The following ELF5 variants were observed in gnomAD, a reference collection of about 807,000 sequenced individuals.
ELF5 encodes the protein E74 like ETS transcription factor 5, also known as ETS-related transcription factor Elf-5.
In ELF5, 31 loss-of-function variants were observed where a neutral mutation model predicts 38.2. That is an observed-to-expected ratio of 0.81 (90% CI 0.61 to 1.10). The LOEUF (loss-of-function observed/expected upper bound fraction) is 1.10. Ranked by LOEUF, ELF5 falls within the 50% of genes least tolerant of loss-of-function variation. ELF5 has a pLI of 0.00. For synonymous variants in ELF5, 121 were observed against 112.5 expected (o/e 1.08, Z -0.48); for missense variants, 300 against 306.6 (o/e 0.98, Z 0.16).
At chr11:34,480,403 G>T in intron 6 of ELF5, 89 bp from the exon 7 acceptor site, 1 of 1,049,710 alleles carries the variant, frequency 9.5e-7, no homozygotes, top group Non-Finnish European at 1.5e-6. Context: ...ATTCCTCTCA[G>T]GTGACAAGGC....
chr11:34,506,818 A>T (rs947055960), intron 1 of ELF5, among the ~76,000 whole-genome samples: 19 of 152,202 alleles, frequency 1.2e-4, no homozygotes, highest in East Asian at 1.9e-4. Flanking sequence ...CTGGCCGAAA[A>T]AAATAAATAA....
intron 2 of ELF5, among the ~76,000 whole-genome samples, chr11:34,495,308 T>C (rs1467363642): frequency 6.6e-6 from 1 of 152,108 alleles, no homozygotes; most frequent in Non-Finnish European, 1.5e-5. Flanking sequence ...CCACAGCAAA[T>C]AGCAGTGGTG....
intron 4 of ELF5, among the ~76,000 whole-genome samples, chr11:34,484,477 TA>T (rs1857027132): frequency 9.2e-6 from 1 of 108,440 alleles, no homozygotes; most frequent in South Asian, 2.6e-4. Context: ...TGCTACACTA[TA>T]CTAACTATAC....
chr11:34,484,495 A>ATACTG (rs1414216878), intron 4 of ELF5, among the ~76,000 whole-genome samples: 1 of 148,890 alleles, frequency 6.7e-6, no homozygotes, highest in Non-Finnish European at 1.5e-5. Context: ...ATACTATACT[A>ATACTG]TACTATACTA....
In ELF5 at chr11:34,493,361, G is replaced by C. The variant is rs1363444250; in HGVS notation, c.355+118C>G. 3.1e-6 allele frequency: 3 copies of C among 954,090 alleles called. No individual in the cohort carries two copies. The Admixed American group carries it at 6.2e-5, about 20-fold the overall frequency. The allele number at this position is 954,090 out of a possible 1,614,324, so 59.1% of individuals were successfully genotyped here. On this transcript the variant is annotated intron_variant, in intron 3 of 6. Coordinates refer to ENST00000257832, the MANE Select transcript of ELF5 (RefSeq NM_001422.4). ...CCAGTTATTGAAGGTTTGGATTAACGAGAACTCCAGTTAGTAAAATTTTGC... is the reference window on the plus strand; with the variant it reads ...CCAGTTATTGAAGGTTTGGATTAACCAGAACTCCAGTTAGTAAAATTTTGC...
chr11:34,488,604 A>T (rs1313550449), intron 4 of ELF5, among the ~76,000 whole-genome samples: 1 of 152,236 alleles, frequency 6.6e-6, no homozygotes, highest in Non-Finnish European at 1.5e-5. Flanking sequence ...CAGCACATTG[A>T]ATCTAACTGT....
chr11:34,488,045 T>C (rs1414663097), intron 4 of ELF5, among the ~76,000 whole-genome samples: 1 of 152,132 alleles, frequency 6.6e-6, no homozygotes, highest in Non-Finnish European at 1.5e-5. Flanking sequence ...CATGCTTTAA[T>C]TCAACTATCT....
At chr11:34,506,844 G>T (rs1405894723) in intron 1 of ELF5, among the ~76,000 whole-genome samples, 1 of 152,176 alleles carries the variant, frequency 6.6e-6, no homozygotes, top group Non-Finnish European at 1.5e-5. Context: ...AATGAGGTAA[G>T]AATTACTGTG....
chr11:34,496,707 T>C (rs1850330257), intron 2 of ELF5, among the ~76,000 whole-genome samples: 2 of 152,186 alleles, frequency 1.3e-5, no homozygotes, highest in African/African-American at 4.8e-5. Context: ...CAGGAGTGCT[T>C]GGAGCCTGGC....
rs1010640925 is a variant in ELF5 at position 34,489,883 on chromosome 11, G to A, written c.406+126C>T. ...TCTTTCCACCACGCTTTTCCCCACT[G>A]CTTTCTCCAGGTCTGGGATTGTTTT... On this transcript the variant is annotated intron_variant, in intron 4 of 6. Coordinates refer to ENST00000257832, the MANE Select transcript of ELF5 (RefSeq NM_001422.4). The A allele has an allele frequency of 2.6e-6, 3 of 1,169,828 alleles. No individual in the cohort carries two copies. In the African/African-American group the frequency reaches 4.5e-5, roughly 18 times the overall value. 72.5% of individuals were successfully genotyped at this position (1,169,828 alleles called of 1,614,324 possible).
chr11:34,490,091 C>T, intron 3 of ELF5, 32 bp from the exon 4 acceptor site: 1 of 1,612,184 alleles, frequency 6.2e-7, no homozygotes, highest in Non-Finnish European at 8.5e-7. Flanking sequence ...AGAAACCATA[C>T]CATGCAATCC....
At chr11:34,511,453 C>A in intron 1 of ELF5, 2 of 1,555,778 alleles carry the variant, frequency 1.3e-6, no homozygotes, top group Admixed American at 3.4e-5. Flanking sequence ...TTCTAGCTGC[C>A]TAGTAAGTAG....
intron 2 of ELF5, among the ~76,000 whole-genome samples, chr11:34,504,241 C>T (rs1246088838): frequency 1.3e-5 from 2 of 152,198 alleles, no homozygotes; most frequent in African/African-American, 4.8e-5. Flanking sequence ...ACCTGTTAAC[C>T]AAAGTTCAAG....
chr11:34,504,529 C>T (rs913822645), intron 2 of ELF5, among the ~76,000 whole-genome samples: 1 of 152,182 alleles, frequency 6.6e-6, no homozygotes, highest in Non-Finnish European at 1.5e-5. Flanking sequence ...GAGGCAGGGG[C>T]TTCTGGTAGT....
At chr11:34,504,521 G>A (rs1194521351) in intron 2 of ELF5, among the ~76,000 whole-genome samples, 1 of 152,216 alleles carries the variant, frequency 6.6e-6, no homozygotes, top group Non-Finnish European at 1.5e-5. Flanking sequence ...TGGCCCCAGA[G>A]GCAGGGGCTT....
chr11:34,510,866 G>A (rs1476584294), intron 1 of ELF5, among the ~76,000 whole-genome samples: 1 of 152,224 alleles, frequency 6.6e-6, no homozygotes, highest in African/African-American at 2.4e-5. Context: ...GATCCACCTA[G>A]TGTCAGCGCC....
At chr11:34,512,507 T>A (rs1279578371) in intron 1 of ELF5, among the ~76,000 whole-genome samples, 2 of 152,124 alleles carry the variant, frequency 1.3e-5, no homozygotes, top group Non-Finnish European at 2.9e-5. Context: ...ATTCTTAAGC[T>A]TTTTTTCATA....
In ELF5 at chr11:34,493,583, ATGT is replaced by A. The variant is rs1850236579; in HGVS notation, c.248_250del (p.Asn83del). 6.2e-7 allele frequency: 1 copy of A among 1,614,076 alleles called. No individual in the cohort carries two copies. Among genetic ancestry groups the A allele is most frequent in the African/African-American group, 1.3e-5 (1 of 74,920 alleles). ...CATGCTGCACAGCTGCAGGCCACTG[ATGT>A]TGAAGTTGCAGAAGGAGATGCAATT... On this transcript the variant is annotated inframe_deletion, in exon 3 of 7. Coordinates refer to ENST00000257832, the MANE Select transcript of ELF5 (RefSeq NM_001422.4).
At chr11:34,513,538 C>A (rs972793587) in intron 1 of ELF5, 139 bp downstream of exon 1, 4 of 152,300 alleles carry the variant, frequency 2.6e-5, no homozygotes, top group Admixed American at 2.6e-4. Context: ...AAACAGCTCC[C>A]GGAGGCCCTG....
Sources: allele counts gnomAD v4.1 joint callset (sites outside exome capture counted in the v4.1 genomes callset), GRCh38; gene constraint gnomAD v4.1.1; transcripts MANE v1.5; gene names NCBI Gene and HGNC (gene_info 2026-07-23, HGNC 2026-07-21).